The following SENP2 variants were observed in gnomAD, a reference collection of about 807,000 sequenced individuals.
SENP2 encodes SUMO specific peptidase 2, also known as sentrin-specific protease 2.
In SENP2, 16 loss-of-function variants were observed where a neutral mutation model predicts 86.3. The ratio of observed to expected loss-of-function variants is 0.19; its 90% CI spans 0.13 to 0.28. The LOEUF (loss-of-function observed/expected upper bound fraction) is 0.28. Among genes scored for constraint, SENP2 ranks in the 10% least tolerant of loss-of-function variants. SENP2 has a pLI of 1.00. For missense variants in SENP2, 552 were observed against 703.0 expected (o/e 0.79, Z 2.43); for synonymous variants, 222 against 238.7 (o/e 0.93, Z 0.64).
At chr3:185,624,199 CT>C (rs5855069) in intron 15 of SENP2, 117 bp downstream of exon 15, 59,592 of 582,102 alleles carry the variant, frequency 0.1, 4,911 homozygotes, top group East Asian at 0.3. Flanking sequence ...AAGTACACAT[CT>C]TTTTTTTTCT....
intron 13 of SENP2, among the ~76,000 whole-genome samples, chr3:185,621,177 AGAGAGAGAG>A (rs1711853383): frequency 1.3e-4 from 18 of 136,622 alleles, no homozygotes; most frequent in Non-Finnish European, 1.9e-4. Flanking sequence ...AAAAAAAAAA[AGAGAGAGAG>A]AAAGAAAGAA....
Position 185,609,322 on chromosome 3 carries a change from G to C in SENP2, c.694G>C (p.Val232Leu). The C allele has an allele frequency of 6.2e-7, 1 of 1,613,348 alleles. No homozygotes were observed. Among genetic ancestry groups the C allele is most frequent in the Non-Finnish European group, 8.5e-7 (1 of 1,179,392 alleles). The change falls in exon 7 of 17, where the codon GTC (valine) becomes CTC (leucine). Residue 232 changes from valine (V) to leucine (L), a missense_variant. Around this residue, in one of 2 missense-constraint regions of SENP2, gnomAD observed 383 missense variants for 427.3 expected, o/e 0.90. Transcript: ENST00000296257. ...TAAAGAAAGTGGTCATGGAAACTCT[G>C]TCTGTCCTGTAACTTCAAATTATCA... ...RLKESGHGNS[V>L]CPVTSNYHSS...
chr3:185,619,397 G>A lies in SENP2; in HGVS notation c.1341G>A (p.Lys447=). ...VFSTFFYPKL[K]SGGYQAVKRW... ...GTACTTTCTTCTATCCTAAATTAAA[G>A]TCTGGGGGTTACCAAGCAGTGAAAC... The change falls in exon 13 of 17, where the codon AAG becomes AAA. Residue 447 remains lysine, a synonymous_variant. Coordinates refer to ENST00000296257, the MANE Select transcript of SENP2 (RefSeq NM_021627.3). 6.2e-7 allele frequency: 1 copy of A among 1,614,042 alleles called. No individual in the cohort carries two copies. Among genetic ancestry groups the A allele is most frequent in the Non-Finnish European group, 8.5e-7 (1 of 1,179,932 alleles).
intron 16 of SENP2, among the ~76,000 whole-genome samples, chr3:185,629,196 C>T (rs943743040): frequency 2.6e-5 from 4 of 152,168 alleles, no homozygotes; most frequent in African/African-American, 9.7e-5. Flanking sequence ...TATTGTGCCA[C>T]CACGTGGATA....
chr3:185,602,911 CTTTT>C (rs748676466), intron 5 of SENP2, among the ~76,000 whole-genome samples: 1 of 105,754 alleles, frequency 9.5e-6, no homozygotes, highest in Non-Finnish European at 1.8e-5. Context: ...TTACACGTTA[CTTTT>C]TTTTTTTTTT....
chr3:185,623,536 T>C (rs1711989822), intron 14 of SENP2, among the ~76,000 whole-genome samples: 1 of 152,076 alleles, frequency 6.6e-6, no homozygotes, highest in African/African-American at 2.4e-5. Flanking sequence ...ACAATTTTTA[T>C]AAGCAGACCT....
intron 4 of SENP2, among the ~76,000 whole-genome samples, chr3:185,600,120 C>CT (rs1722298165): frequency 6.6e-6 from 1 of 152,092 alleles, no homozygotes; most frequent in South Asian, 2.1e-4. Context: ...ACTTTGAAGC[C>CT]TTTTATTTCA....
chr3:185,587,570 A>ATTT lies in SENP2; in HGVS notation c.101+1068_101+1070dup, dbSNP rs398052522. Among the ~76,000 whole-genome samples the ATTT allele has an allele frequency of 9.4e-4, 112 of 118,836 alleles. 9 individuals are homozygous for ATTT. The highest frequency in any genetic ancestry group is 1.4e-3 in the Non-Finnish European group (83 of 57,504). 78.0% of individuals were successfully genotyped at this position (118,836 alleles called of 152,430 possible). ...CTTCAACTTTAGTGATCAAGTGTTAATTTTTTTTTTTTTTGAGAAGGAGTC... is the reference window on the plus strand; with the variant it reads ...CTTCAACTTTAGTGATCAAGTGTTAATTTTTTTTTTTTTTTTTGAGAAGGAGTC... On this transcript the variant is annotated intron_variant, in intron 1 of 16. Transcript: ENST00000296257.
intron 2 of SENP2, among the ~76,000 whole-genome samples, chr3:185,596,945 C>G (rs1207352200): frequency 6.6e-6 from 1 of 152,160 alleles, no homozygotes; most frequent in Non-Finnish European, 1.5e-5. Context: ...CCTCTGCTTT[C>G]CAGGTTCAAG....
At chr3:185,596,122 C>T (rs906100344) in intron 2 of SENP2, among the ~76,000 whole-genome samples, 9 of 152,000 alleles carry the variant, frequency 5.9e-5, no homozygotes, top group Admixed American at 3.9e-4. Context: ...TGTGCCATGA[C>T]GCCCAGCTAA....
Position 185,590,099 on chromosome 3 carries a change from C to A in SENP2, c.102-15C>A. On this transcript the variant is annotated splice_polypyrimidine_tract_variant and intron_variant, in intron 1 of 16. Coordinates refer to ENST00000296257, the MANE Select transcript of SENP2 (RefSeq NM_021627.3). ...TAAATCTATATATATATATTTTTTT[C>A]TTTCTCTTTTTCAGCACTCTGTTTT... 6.9e-7 allele frequency: 1 copy of A among 1,447,250 alleles called. No individual in the cohort carries two copies. The highest frequency in any genetic ancestry group is 9.3e-7 in the Non-Finnish European group (1 of 1,075,694). The allele number at this position is 1,447,250 out of a possible 1,614,324, so 89.7% of individuals were successfully genotyped here.
At chr3:185,620,061 TTTTTA>T (rs1711787350) in intron 13 of SENP2, among the ~76,000 whole-genome samples, 1 of 151,448 alleles carries the variant, frequency 6.6e-6, no homozygotes, top group African/African-American at 2.4e-5. Flanking sequence ...TTCTTTTTTT[TTTTTA>T]AATTTTTATT....
At chr3:185,604,753 T>C (rs907775627) in intron 5 of SENP2, among the ~76,000 whole-genome samples, 1 of 152,082 alleles carries the variant, frequency 6.6e-6, no homozygotes, top group African/African-American at 2.4e-5. Context: ...CTGTTTATTT[T>C]TTTTCTTTTC....
chr3:185,611,870 C>T, intron 8 of SENP2, 125 bp downstream of exon 8: 1 of 733,960 alleles, frequency 1.4e-6, no homozygotes, highest in South Asian at 1.8e-5. Flanking sequence ...AATCTCACAG[C>T]ATTGGGCCGG....
chr3:185,613,800 C>G (rs1191282602), intron 10 of SENP2, among the ~76,000 whole-genome samples: 1 of 147,910 alleles, frequency 6.8e-6, no homozygotes, highest in Non-Finnish European at 1.5e-5. Context: ...AGCACTCCAG[C>G]CTAGGTGACA....
Position 185,630,858 on chromosome 3 carries a change from C to T in SENP2, c.*1014C>T, listed in dbSNP as rs1319234903. 6.6e-6 allele frequency: 1 copy of T among 152,324 alleles called. No individual in the cohort carries two copies. Among genetic ancestry groups the T allele is most frequent in the Non-Finnish European group, 1.5e-5 (1 of 68,042 alleles). The allele number at this position is 152,324 out of a possible 1,614,324, so 9.4% of individuals were successfully genotyped here. A position where few individuals can be genotyped will look rare whatever the true frequency, so the allele number is the denominator to read the frequency against. ...TTTCTACTCATTAAGACTAACATCT[C>T]CCCACTCCATCCCCACTGAAATTTG... On this transcript the variant is annotated 3_prime_UTR_variant, in exon 17 of 17. Coordinates refer to ENST00000296257, the MANE Select transcript of SENP2 (RefSeq NM_021627.3).
Position 185,586,309 on chromosome 3 carries a change from G to C in SENP2, c.-105G>C, listed in dbSNP as rs142334232. 6.4e-4 allele frequency: 1,012 copies of C among 1,570,732 alleles called. 6 individuals are homozygous for C. In the African/African-American group the frequency reaches 0.012, roughly 18 times the overall value. ...TGAATCGCGTCACAAATCAGCGACCGAACTCTGGCGGTGGTGGTTAAGACG... is the reference window on the plus strand; with the variant it reads ...TGAATCGCGTCACAAATCAGCGACCCAACTCTGGCGGTGGTGGTTAAGACG... On this transcript the variant is annotated 5_prime_UTR_variant, in exon 1 of 17. Transcript: ENST00000296257. This position sits in a 1 kb window ranked among gnomAD's most constrained non-coding sequence, Gnocchi z 4.3.
intron 2 of SENP2, among the ~76,000 whole-genome samples, chr3:185,596,839 GTTTA>G (rs901070588): frequency 2.0e-5 from 3 of 151,952 alleles, no homozygotes; most frequent in Non-Finnish European, 4.4e-5. Context: ...TGTGGTAAAA[GTTTA>G]TTTATTTATT....
At chr3:185,599,944 A>G (rs1404893121) in intron 4 of SENP2, among the ~76,000 whole-genome samples, 1 of 151,550 alleles carries the variant, frequency 6.6e-6, no homozygotes, top group Admixed American at 6.6e-5. Flanking sequence ...GATTACAGGC[A>G]TGCGCCACCA....
Sources: allele counts gnomAD v4.1 joint callset (sites outside exome capture counted in the v4.1 genomes callset), GRCh38; gene constraint gnomAD v4.1.1; regional missense constraint gnomAD v4.1.1; non-coding constraint Gnocchi (gnomAD v3.1); transcripts MANE v1.5; gene names NCBI Gene and HGNC (gene_info 2026-07-23, HGNC 2026-07-21).